The following INSC variants were observed in gnomAD, a reference collection of about 807,000 sequenced individuals.
INSC encodes the protein protein inscuteable homolog.
A neutral mutation model predicts 58.6 loss-of-function variants in INSC; 67 were observed. The ratio of observed to expected loss-of-function variants is 1.14; its 90% confidence interval spans 0.94 to 1.40. INSC has a LOEUF of 1.40. Among genes scored for constraint, INSC ranks in the 40% most tolerant of loss-of-function variants. INSC has a pLI of 0.00. For synonymous variants in INSC, 262 were observed against 276.1 expected (o/e 0.95, Z 0.51); for missense variants, 714 against 692.0 (o/e 1.03, Z -0.36).
the INSC span, among the ~76,000 whole-genome samples, chr11:15,264,641 G>A: frequency 1.4e-5 from 2 of 148,094 alleles, no homozygotes; most frequent in East Asian, 2.0e-4. Context: ...ATTCTGCTGC[G>A]GCTACTGCTG....
intron 1 of INSC, among the ~76,000 whole-genome samples, chr11:15,141,671 C>A (rs1247156692): frequency 6.6e-6 from 1 of 152,056 alleles, no homozygotes; most frequent in African/African-American, 2.4e-5. Flanking sequence ...CTGCAGGATG[C>A]CAGCCACCAC....
At position 15,119,595 on chromosome 11, in the gene INSC, G is replaced by A. The variant is rs115259614; in HGVS notation, c.-46+4592G>A. Among the ~76,000 whole-genome samples, 1,390 of 152,324 alleles carry A rather than the reference G, an allele frequency of 9.1e-3. 17 individuals carry two copies. The highest frequency in any genetic ancestry group is 0.032 in the African/African-American group (1,335 of 41,568). Reference sequence around the variant, plus strand: ...TTTCTGCTGGAGAAATGAAGGTTTTGTCTTACAAACCAAATATTCTGGGTT... The same window carrying A: ...TTTCTGCTGGAGAAATGAAGGTTTTATCTTACAAACCAAATATTCTGGGTT... On this transcript the variant is annotated intron_variant, in intron 1 of 12. Transcript: ENST00000379556.
intron 6 of INSC, among the ~76,000 whole-genome samples, chr11:15,193,524 A>G (rs1590430149): frequency 6.6e-6 from 1 of 152,036 alleles, no homozygotes; most frequent in Non-Finnish European, 1.5e-5. Flanking sequence ...GTTCCCACCT[A>G]TGAGTGAGAA....
At chr11:15,210,414 G>T (rs1850975183) in intron 7 of INSC, among the ~76,000 whole-genome samples, 1 of 82,348 alleles carries the variant, frequency 1.2e-5, no homozygotes. Context: ...TGTGGGTTTG[G>T]GTTGTGTTGA....
downstream of INSC, among the ~76,000 whole-genome samples, chr11:15,249,036 C>A (rs573262913): frequency 2.0e-5 from 3 of 152,058 alleles, no homozygotes; most frequent in East Asian, 5.8e-4. Context: ...AGGACTCAGC[C>A]GCTGTGAGTG....
intron 5 of INSC, among the ~76,000 whole-genome samples, chr11:15,189,592 A>G (rs1033021947): frequency 2.0e-5 from 3 of 152,186 alleles, no homozygotes; most frequent in African/African-American, 7.2e-5. Context: ...AAGGTGCTCC[A>G]AGTGTTGCTC....
intron 6 of INSC, among the ~76,000 whole-genome samples, chr11:15,191,382 T>C (rs1433257972): frequency 3.3e-5 from 5 of 152,156 alleles, no homozygotes; most frequent in African/African-American, 1.2e-4. Context: ...TTTATGGGTA[T>C]ATGTTATAAA....
chr11:15,185,940 G>GA (rs1046800436), intron 5 of INSC, among the ~76,000 whole-genome samples: 1 of 152,106 alleles, frequency 6.6e-6, no homozygotes, highest in African/African-American at 2.4e-5. Flanking sequence ...GGTGAAATGA[G>GA]AAAAAAATTC....
intron 5 of INSC, among the ~76,000 whole-genome samples, chr11:15,180,688 G>GTT (rs1048661218): frequency 1.0e-5 from 1 of 97,382 alleles, no homozygotes; most frequent in African/African-American, 4.0e-5. Flanking sequence ...GGAGTGAGGG[G>GTT]GGGGGCGGGG....
chr11:15,118,329 C>T (rs557771031), intron 1 of INSC, among the ~76,000 whole-genome samples: 14 of 152,314 alleles, frequency 9.2e-5, no homozygotes, highest in Admixed American at 7.2e-4. Flanking sequence ...GTTGGTGAAA[C>T]TTCTAATTCA....
chr11:15,124,989 G>A (rs576960396), intron 1 of INSC, among the ~76,000 whole-genome samples: 2 of 152,158 alleles, frequency 1.3e-5, no homozygotes, highest in African/African-American at 2.4e-5. Context: ...CATGCCCTTA[G>A]AGGATTTGGT....
upstream of INSC, among the ~76,000 whole-genome samples, chr11:15,113,806 C>T (rs187014792): frequency 6.6e-6 from 1 of 152,236 alleles, no homozygotes; most frequent in East Asian, 1.9e-4. Flanking sequence ...CAGCAGTTAG[C>T]TTCAGCCAGA....
intron 10 of INSC, 55 bp downstream of exon 10, chr11:15,235,723 G>A (rs922714419): frequency 8.3e-6 from 12 of 1,439,124 alleles, no homozygotes; most frequent in Non-Finnish European, 1.2e-5. Flanking sequence ...GTAGGGGACT[G>A]TGTCTTTGTG....
At chr11:15,138,396 C>G (rs1848295611) in intron 1 of INSC, among the ~76,000 whole-genome samples, 1 of 152,092 alleles carries the variant, frequency 6.6e-6, no homozygotes. Flanking sequence ...AATAAAAAAG[C>G]AGTATCTGCA....
At chr11:15,144,756 T>C (rs1848452473) in intron 1 of INSC, among the ~76,000 whole-genome samples, 1 of 152,220 alleles carries the variant, frequency 6.6e-6, no homozygotes, top group Non-Finnish European at 1.5e-5. Flanking sequence ...ATAGCCTCCA[T>C]TTCCTCCACA....
intron 12 of INSC, among the ~76,000 whole-genome samples, chr11:15,240,880 C>T (rs1027953309): frequency 6.6e-6 from 1 of 152,112 alleles, no homozygotes; most frequent in African/African-American, 2.4e-5. Context: ...AGGGATATCC[C>T]CTGCCTATTC....
At chr11:15,175,328 A>G (rs1465046108) in intron 2 of INSC, among the ~76,000 whole-genome samples, 1 of 152,244 alleles carries the variant, frequency 6.6e-6, no homozygotes, top group Non-Finnish European at 1.5e-5. Context: ...TAGCTATACC[A>G]TAGCTCACTT....
At chr11:15,123,662 G>A (rs918489923) in intron 1 of INSC, among the ~76,000 whole-genome samples, 7 of 152,086 alleles carry the variant, frequency 4.6e-5, no homozygotes, top group East Asian at 1.9e-4. Flanking sequence ...TCTAATTCCC[G>A]GATGATTCTA....
At chr11:15,266,423 A>C in the INSC span, among the ~76,000 whole-genome samples, 1 of 152,048 alleles carries the variant, frequency 6.6e-6, no homozygotes, top group Non-Finnish European at 1.5e-5. Flanking sequence ...GGTTATGTCC[A>C]TCATCTGTGA....
Sources: allele counts gnomAD v4.1 joint callset (sites outside exome capture counted in the v4.1 genomes callset), GRCh38; gene constraint gnomAD v4.1.1; transcripts MANE v1.5; gene names NCBI Gene and HGNC (gene_info 2026-07-23, HGNC 2026-07-21).